The following SLC12A7 variants were observed in gnomAD, a reference collection of about 807,000 sequenced individuals.
SLC12A7 encodes solute carrier family 12 member 7, also known as K-Cl cotransporter 4.
Under a neutral mutation model 120.6 loss-of-function variants are expected in SLC12A7, and 100 were observed. The observed-to-expected ratio is 0.83, with a 90% CI of 0.71 to 0.98. The LOEUF (loss-of-function observed/expected upper bound fraction) is 0.98, where lower values mean the gene tolerates loss of function less well. Among genes scored for constraint, SLC12A7 ranks in the 50% least tolerant of loss-of-function variants. The pLI is 0.00. For missense variants in SLC12A7, 1,373 were observed against 1,548.1 expected (o/e 0.89, Z 1.90); for synonymous variants, 760 against 678.0 (o/e 1.12, Z -1.88).
intron 18 of SLC12A7, among the ~76,000 whole-genome samples, chr5:1,064,630 C>T (rs897009911): frequency 4.0e-5 from 6 of 151,792 alleles, no homozygotes; most frequent in Non-Finnish European, 7.4e-5. Context: ...GAGGGGACAG[C>T]GAGGAGACAG....
intron 18 of SLC12A7, among the ~76,000 whole-genome samples, chr5:1,064,738 C>CAA (rs1736747518): frequency 3.3e-5 from 4 of 122,622 alleles, no homozygotes; most frequent in Admixed American, 8.0e-5. Flanking sequence ...GAAGGGACAG[C>CAA]GAGGGGACGG....
intron 17 of SLC12A7, among the ~76,000 whole-genome samples, chr5:1,068,210 G>A (rs1160881595): frequency 2.0e-5 from 3 of 152,214 alleles, no homozygotes; most frequent in Admixed American, 6.5e-5. Flanking sequence ...CGAAGCAGAC[G>A]AATCACTTGA....
Position 1,064,096 on chromosome 5 carries a change from A to G in SLC12A7, c.2594T>C (p.Leu865Pro), listed in dbSNP as rs754858146. The change falls in exon 19 of 24, where the codon CTG becomes CCG. Residue 865 changes from leucine (L) to proline (P), a missense_variant. Transcript: ENST00000264930. ...CGCACGCCCCACCTTGTGCTGGCGC[A>G]GCAGGAAGGGCAGCAGCATGAGCAT... is the stretch of plus-strand genomic sequence containing the variant. Reference protein sequence around the residue: ...GGMLMLLPFLLRQHKVWRKCR... With the variant: ...GGMLMLLPFLPRQHKVWRKCR... 6.2e-7 allele frequency: 1 copy of G among 1,607,296 alleles called. No homozygotes were observed. The highest frequency in any genetic ancestry group is 1.1e-5 in the South Asian group (1 of 90,736).
At chr5:1,060,220 G>T in intron 21 of SLC12A7, 124 bp downstream of exon 21, 2 of 725,924 alleles carry the variant, frequency 2.8e-6, no homozygotes, top group Non-Finnish European at 4.7e-6. Context: ...AGCCTGCGAC[G>T]CAGTACCTGA....
In SLC12A7 at chr5:1,076,724, G is replaced by T; in HGVS notation, c.1718C>A (p.Ser573Tyr). The T allele has an allele frequency of 6.2e-7, 1 of 1,611,502 alleles. No individual in the cohort carries two copies. Among genetic ancestry groups the T allele is most frequent in the African/African-American group, 1.3e-5 (1 of 75,030 alleles). The change falls in exon 13 of 24, where the codon TCT becomes TAT. Residue 573 changes from serine (S) to tyrosine (Y), a missense_variant. By Grantham distance (144) the Ser-to-Tyr change is moderately radical. Transcript: ENST00000264930. ...GAGGATCGGGGCCACGCTGTCCAGA[G>T]AGGCGATGAGGATGCCAGTCTCGCA... ...LICETGILIA[S>Y]LDSVAPILSM...
At chr5:1,155,453 G>C in the SLC12A7 span, among the ~76,000 whole-genome samples, 1 of 145,100 alleles carries the variant, frequency 6.9e-6, no homozygotes, top group Admixed American at 7.2e-5. Context: ...GCCCCGGCTC[G>C]GTGTCACCTG....
chr5:1,082,432 A>G (rs955549237), intron 8 of SLC12A7, among the ~76,000 whole-genome samples: 38 of 73,548 alleles, frequency 5.2e-4, no homozygotes, highest in African/African-American at 1.5e-3. Flanking sequence ...TGGGCTTCCC[A>G]TCTTGGGTTC....
the SLC12A7 span, among the ~76,000 whole-genome samples, chr5:1,152,607 G>T: frequency 1.3e-5 from 2 of 149,852 alleles, no homozygotes; most frequent in Non-Finnish European, 3.0e-5. Context: ...AGCTAGAGAA[G>T]GGAGACCCCC....
At position 1,083,925 on chromosome 5, in the gene SLC12A7, G is replaced by GT; in HGVS notation, c.948dup (p.Arg317ThrfsTer37). ...TTGACGCAGGCATCGAAGCTGCGCC[G>GT]TGACAGCGTGCGGTTCCCCAGGAGG... On this transcript the variant is annotated frameshift_variant, in exon 8 of 24. Coordinates refer to ENST00000264930, the MANE Select transcript of SLC12A7 (RefSeq NM_006598.3). LOFTEE classifies it high-confidence loss of function. 1 of 1,605,284 alleles carries GT rather than the reference G, an allele frequency of 6.2e-7. No homozygotes were observed. The highest frequency in any genetic ancestry group is 8.5e-7 in the Non-Finnish European group (1 of 1,179,648).
rs34071919 is a variant in SLC12A7 at position 1,094,157 on chromosome 5, G to A, written c.216C>T (p.Phe72=). ...TTCTTCTAAAAAGTAAAGTTACCTC[G>A]AAAAGTGCCATGTTCTTCCCTTCAA... ...SFFEGKNMAL[F]EEEMDSNPMV... Residue 72 remains phenylalanine, a synonymous_variant, in exon 2 of 24, where the codon TTC becomes TTT. Coordinates refer to ENST00000264930, the MANE Select transcript of SLC12A7 (RefSeq NM_006598.3). 5.3e-4 allele frequency: 856 copies of A among 1,610,748 alleles called. 7 individuals are homozygous for A. The African/African-American group carries it at 9.9e-3, about 19-fold the overall frequency.
chr5:1,121,646 G>A, the SLC12A7 span, among the ~76,000 whole-genome samples: 2 of 152,216 alleles, frequency 1.3e-5, no homozygotes, highest in East Asian at 1.9e-4. Flanking sequence ...AGGGACAAGG[G>A]GGAGTTCCAG....
chr5:1,112,094 C>CG, upstream of SLC12A7: 1 of 1,148,622 alleles, frequency 8.7e-7, no homozygotes, highest in East Asian at 3.6e-5. Flanking sequence ...GACCGAGCCG[C>CG]CCCGCCCCGC....
chr5:1,065,421 AGAC>A lies in SLC12A7; in HGVS notation c.2296_2298del (p.Val766del). 1 of 1,611,842 alleles carries A rather than the reference AGAC, an allele frequency of 6.2e-7. No individual in the cohort carries two copies. The highest frequency in any genetic ancestry group is 1.7e-4 in the Middle Eastern group (1 of 6,052). ...GACATGCCATCCCGCAGGCTGGACG[AGAC>A]CACCAGCTGGCAGAAGCCCTTGGTC... On this transcript the variant is annotated inframe_deletion, in exon 18 of 24. Coordinates refer to ENST00000264930, the MANE Select transcript of SLC12A7 (RefSeq NM_006598.3).
chr5:1,061,721 G>T (rs1430431117), intron 20 of SLC12A7, among the ~76,000 whole-genome samples: 1 of 152,122 alleles, frequency 6.6e-6, no homozygotes, highest in Non-Finnish European at 1.5e-5. Context: ...AGGCCGAGGC[G>T]GGTGGATCAC....
At chr5:1,122,006 C>T in the SLC12A7 span, among the ~76,000 whole-genome samples, 5 of 152,288 alleles carry the variant, frequency 3.3e-5, no homozygotes, top group South Asian at 2.1e-4. Flanking sequence ...TTCCCTGAGG[C>T]GGGGCTCTGC....
chr5:1,112,938 G>A (rs1268136688), upstream of SLC12A7, among the ~76,000 whole-genome samples: 2 of 139,912 alleles, frequency 1.4e-5, no homozygotes, highest in African/African-American at 5.6e-5. Flanking sequence ...TGCCCCAGGA[G>A]TGCCCCGCGG....
chr5:1,094,364 C>A, intron 1 of SLC12A7, 116 bp from the exon 2 acceptor site: 1 of 753,712 alleles, frequency 1.3e-6, no homozygotes, highest in Non-Finnish European at 2.4e-6. Flanking sequence ...CACCTCTAAA[C>A]CATGGCTAAG....
the SLC12A7 span, among the ~76,000 whole-genome samples, chr5:1,122,136 G>A: frequency 6.6e-6 from 1 of 152,216 alleles, no homozygotes; most frequent in Non-Finnish European, 1.5e-5. Context: ...GGGAACAGCA[G>A]GGAAGACAGG....
At chr5:1,139,164 AG>A in the SLC12A7 span, among the ~76,000 whole-genome samples, 1 of 152,204 alleles carries the variant, frequency 6.6e-6, no homozygotes, top group African/African-American at 2.4e-5. Context: ...GTAGCCCACC[AG>A]GTGGCTGCTG....
Sources: allele counts gnomAD v4.1 joint callset (sites outside exome capture counted in the v4.1 genomes callset), GRCh38; gene constraint gnomAD v4.1.1; transcripts MANE v1.5; gene names NCBI Gene and HGNC (gene_info 2026-07-23, HGNC 2026-07-21).